The following VPS8 variants were observed in gnomAD, a reference collection of about 807,000 sequenced individuals.
The protein encoded by VPS8 is vacuolar protein sorting-associated protein 8 homolog.
In VPS8, 129 loss-of-function variants were observed where a neutral mutation model predicts 216.4. The ratio of observed to expected loss-of-function variants is 0.60; its 90% confidence interval spans 0.52 to 0.69. The LOEUF (loss-of-function observed/expected upper bound fraction) is 0.69. Ranked by LOEUF, VPS8 falls within the 30% of genes least tolerant of loss-of-function variation. The probability of loss-of-function intolerance (pLI) is 0.00; values close to 1 mark genes in which losing one functional copy is unlikely to be tolerated. For missense variants in VPS8, 1,531 were observed against 1,683.5 expected, an observed-to-expected ratio of 0.91 and a Z score of 1.59; for synonymous variants, 571 against 565.4, an observed-to-expected ratio of 1.01 and a Z score of -0.14.
At chr3:185,015,988 A>G (rs1212074161) in intron 45 of VPS8, among the ~76,000 whole-genome samples, 1 of 152,122 alleles carries the variant, frequency 6.6e-6, no homozygotes, top group African/African-American at 2.4e-5. Flanking sequence ...GATCTATTCT[A>G]TTTATTTGAG....
At chr3:184,882,329 A>C (rs1482902729) in intron 21 of VPS8, 2 of 446,588 alleles carry the variant, frequency 4.5e-6, no homozygotes, top group Non-Finnish European at 8.9e-6. Context: ...TAATATGATC[A>C]TGTGATTTTT....
chr3:184,937,618 C>A (rs1190829857), intron 35 of VPS8, among the ~76,000 whole-genome samples: 1 of 152,058 alleles, frequency 6.6e-6, no homozygotes, highest in Non-Finnish European at 1.5e-5. Context: ...TGATGGATTG[C>A]GAGAAAGACA....
At chr3:185,037,432 A>G (rs1436417876) in intron 46 of VPS8, among the ~76,000 whole-genome samples, 1 of 152,084 alleles carries the variant, frequency 6.6e-6, no homozygotes, top group African/African-American at 2.4e-5. Context: ...TATTATTATG[A>G]TGTATCTGTT....
intron 34 of VPS8, among the ~76,000 whole-genome samples, chr3:184,933,398 G>A (rs1741032250): frequency 6.6e-6 from 1 of 151,944 alleles, no homozygotes; most frequent in African/African-American, 2.4e-5. Flanking sequence ...CCACTTTTCT[G>A]TTTGAAATGT....
intron 26 of VPS8, among the ~76,000 whole-genome samples, chr3:184,914,451 G>A (rs1019065540): frequency 2.0e-5 from 3 of 152,170 alleles, no homozygotes; most frequent in Non-Finnish European, 1.5e-5. Flanking sequence ...CCATGAAGAA[G>A]GTTTGATTTG....
chr3:185,022,003 A>G (rs1756730419), intron 45 of VPS8, among the ~76,000 whole-genome samples: 2 of 152,192 alleles, frequency 1.3e-5, no homozygotes, highest in Middle Eastern at 3.4e-3. Flanking sequence ...CCCCACACAA[A>G]TCTCATCTTG....
At chr3:184,830,967 T>C (rs1416707560) in intron 3 of VPS8, among the ~76,000 whole-genome samples, 1 of 152,158 alleles carries the variant, frequency 6.6e-6, no homozygotes, top group African/African-American at 2.4e-5. Context: ...CTTAAAGCTA[T>C]AGATATGGAT....
chr3:184,919,604 T>C (rs982906260), intron 28 of VPS8, among the ~76,000 whole-genome samples: 1 of 152,202 alleles, frequency 6.6e-6, no homozygotes, highest in Non-Finnish European at 1.5e-5. Context: ...GTTTTGAGAA[T>C]AGTAAGTAGG....
Position 184,917,414 on chromosome 3 carries a change from TTCCTTCCC to T in VPS8, c.2382+1956_2382+1963del, listed in dbSNP as rs1361403157. On this transcript the variant is annotated intron_variant, in intron 28 of 47. Transcript: ENST00000625842. ...TGGACTTCCTTCTTTTCTTCCTTCCTTCCTTCCCTCCTTCCCTCCTTCCTTCATTTTTG... is the reference window on the plus strand; with the variant it reads ...TGGACTTCCTTCTTTTCTTCCTTCCTTCCTTCCCTCCTTCCTTCATTTTTG... 5.9e-5 allele frequency among the ~76,000 whole-genome samples: 9 copies of T among 152,312 alleles called. No homozygotes were observed. The East Asian group carries it at 1.2e-3, about 20-fold the overall frequency.
In VPS8 at chr3:184,826,175, G is replaced by A; in HGVS notation, c.166G>A (p.Glu56Lys). 1.2e-6 allele frequency: 2 copies of A among 1,608,786 alleles called. No homozygotes were observed. The highest frequency in any genetic ancestry group is 2.7e-5 in the African/African-American group (2 of 74,836). Reference sequence around the variant, plus strand: ...TTTCTTTATTTAGATTGATGACAAGGAGTTTGATATTCCTCAAGTTGATAC... The same window carrying A: ...TTTCTTTATTTAGATTGATGACAAGAAGTTTGATATTCCTCAAGTTGATAC... ...EFKNDLIDDK[E>K]FDIPQVDTPP... Residue 56 changes from glutamate (E) to lysine (K), a missense_variant, in exon 3 of 48, where the codon GAG becomes AAG. Physicochemically the swap from Glu to Lys is moderately conservative, Grantham distance 56 (BLOSUM62 1). Around this residue, in one of 3 missense-constraint regions of VPS8, gnomAD observed 199 missense variants for 182.2 expected, o/e 1.09. Transcript: ENST00000625842.
intron 44 of VPS8, among the ~76,000 whole-genome samples, chr3:184,997,280 T>G (rs1306461360): frequency 6.6e-6 from 1 of 152,246 alleles, no homozygotes; most frequent in African/African-American, 2.4e-5. Context: ...ACTTCAAGTC[T>G]TGACTCTACT....
At chr3:184,930,591 A>G (rs761888240) in intron 34 of VPS8, 23 bp downstream of exon 34, 16 of 1,550,682 alleles carry the variant, frequency 1.0e-5, no homozygotes, top group Middle Eastern at 1.7e-4. Context: ...AAAACTTCAC[A>G]CTTCACCATC....
In VPS8 at chr3:185,048,464, G is replaced by A. The variant is rs1252490838; in HGVS notation, c.4057-15G>A. 6.2e-7 allele frequency: 1 copy of A among 1,613,886 alleles called. No homozygotes were observed. The highest frequency in any genetic ancestry group is 1.7e-5 in the Admixed American group (1 of 60,010). On this transcript the variant is annotated splice_polypyrimidine_tract_variant and intron_variant, in intron 46 of 47. Transcript: ENST00000625842. The stretch of plus-strand genomic sequence containing the variant: ...CCACGTGATGTTGTTAATCGTATCG[G>A]TTTTTATTTTTCAGGGAACCTCAGA...
chr3:184,989,981 G>A (rs892360937), intron 42 of VPS8, among the ~76,000 whole-genome samples: 6 of 152,118 alleles, frequency 3.9e-5, no homozygotes, highest in African/African-American at 1.4e-4. Context: ...GCTGAGGCAG[G>A]AGAATGGTGT....
chr3:184,831,720 A>G (rs1209265971), intron 3 of VPS8, among the ~76,000 whole-genome samples: 1 of 152,126 alleles, frequency 6.6e-6, no homozygotes, highest in African/African-American at 2.4e-5. Flanking sequence ...CCCCATTTCA[A>G]TGGTAACCAG....
At chr3:184,998,480 T>C (rs1752918015) in intron 44 of VPS8, among the ~76,000 whole-genome samples, 2 of 270 alleles carry the variant, frequency 7.4e-3, no homozygotes, top group African/African-American at 0.026. Flanking sequence ...AGAGGAAGTT[T>C]ATATATATAT....
chr3:184,875,764 A>G (rs866985817), intron 21 of VPS8, among the ~76,000 whole-genome samples: 72 of 150,730 alleles, frequency 4.8e-4, no homozygotes, highest in African/African-American at 1.5e-3. Flanking sequence ...AGGCGGGTGG[A>G]TCACTTGAGC....
chr3:184,945,008 C>G (rs1465242387), intron 36 of VPS8, among the ~76,000 whole-genome samples: 1 of 151,820 alleles, frequency 6.6e-6, no homozygotes, highest in Non-Finnish European at 1.5e-5. Context: ...CAATGAGTGC[C>G]TACAGTGGCC....
At chr3:185,030,326 GT>G (rs1266226358) in intron 46 of VPS8, among the ~76,000 whole-genome samples, 1 of 152,194 alleles carries the variant, frequency 6.6e-6, no homozygotes, top group African/African-American at 2.4e-5. Flanking sequence ...AAAGCATTTT[GT>G]CTTGTGTCTT....
Sources: gnomAD v4.1 joint callset for allele counts (sites outside exome capture counted in the v4.1 genomes callset) on GRCh38, gnomAD v4.1.1 for gene constraint, gnomAD v4.1.1 regional missense constraint, MANE v1.5 for transcripts, NCBI Gene and HGNC (gene_info 2026-07-23, HGNC 2026-07-21) for gene names.